TCEA1: variants seen among roughly 807,000 people sequenced by gnomAD.
TCEA1 encodes the protein transcription elongation factor A protein 1.
Under a neutral mutation model 43.8 loss-of-function variants are expected in TCEA1, and 21 were observed. The observed-to-expected ratio is 0.48, with a 90% CI of 0.34 to 0.69. The LOEUF (loss-of-function observed/expected upper bound fraction) is 0.69. Ranked by LOEUF, TCEA1 falls within the 30% of genes least tolerant of loss-of-function variation. TCEA1 has a pLI of 0.01. For synonymous variants in TCEA1, 104 were observed against 117.5 expected, an observed-to-expected ratio of 0.88 and a Z score of 0.75; for missense variants, 250 against 365.1, an observed-to-expected ratio of 0.68 and a Z score of 2.57.
chr8:54,008,433 C>T (rs975747885), intron 2 of TCEA1, among the ~76,000 whole-genome samples: 1 of 151,888 alleles, frequency 6.6e-6, no homozygotes. Context: ...GAGACCAAGG[C>T]TGGAGTTCAA....
At chr8:53,972,446 T>C (rs963145021) in intron 8 of TCEA1, 44 of 518,240 alleles carry the variant, frequency 8.5e-5, no homozygotes, top group Admixed American at 1.5e-4. Flanking sequence ...AATCAAGTTT[T>C]GGGCATGCAT....
chr8:54,013,985 C>T (rs1374683447), intron 1 of TCEA1, among the ~76,000 whole-genome samples: 2 of 152,138 alleles, frequency 1.3e-5, no homozygotes, highest in African/African-American at 2.4e-5. Context: ...GTCAAATGTA[C>T]CAAGCTCTAC....
chr8:54,003,280 C>T (rs965099943), intron 2 of TCEA1, among the ~76,000 whole-genome samples: 1 of 152,168 alleles, frequency 6.6e-6, no homozygotes, highest in Non-Finnish European at 1.5e-5. Context: ...AATGTTAAGA[C>T]TGCAATACTA....
chr8:53,977,625 T>TTGTCCCTTAAGGAGACAA (rs1169826397), intron 8 of TCEA1, among the ~76,000 whole-genome samples: 8 of 152,210 alleles, frequency 5.3e-5, no homozygotes, highest in Non-Finnish European at 7.3e-5. Flanking sequence ...ACATAGTAAG[T>TTGTCCCTTAAGGAGACAA]TGTCCCTTAA....
intron 4 of TCEA1, among the ~76,000 whole-genome samples, chr8:53,988,809 G>A (rs973154573): frequency 6.6e-5 from 10 of 152,326 alleles, no homozygotes; most frequent in South Asian, 2.1e-4. Flanking sequence ...GCTCACAGCT[G>A]TAATCCCAGC....
chr8:54,017,071 C>T, intron 1 of TCEA1, among the ~76,000 whole-genome samples: 1 of 151,506 alleles, frequency 6.6e-6, no homozygotes, highest in South Asian at 2.1e-4. Flanking sequence ...AGAAAATTTC[C>T]AGATTTGGCA....
intron 2 of TCEA1, among the ~76,000 whole-genome samples, chr8:54,007,539 T>C (rs1350800678): frequency 6.6e-6 from 1 of 152,192 alleles, no homozygotes; most frequent in Non-Finnish European, 1.5e-5. Flanking sequence ...TAATGAGCAA[T>C]TTCAATACTT....
chr8:53,980,038 T>C (rs551707026), intron 7 of TCEA1, among the ~76,000 whole-genome samples: 1 of 152,202 alleles, frequency 6.6e-6, no homozygotes, highest in Admixed American at 6.5e-5. Context: ...CAGCCTTGCA[T>C]TAATAAAACT....
intron 1 of TCEA1, among the ~76,000 whole-genome samples, chr8:54,016,396 G>A (rs2129314571): frequency 6.6e-6 from 1 of 152,208 alleles, no homozygotes; most frequent in Non-Finnish European, 1.5e-5. Flanking sequence ...GTGGGAACCC[G>A]GGAGGCGGAG....
At position 53,967,440 on chromosome 8, in the gene TCEA1, A is replaced by G. The variant is rs1314458727; in HGVS notation, c.*664T>C. The G allele has an allele frequency of 5.0e-6, 1 of 198,824 alleles. No homozygotes were observed. Among genetic ancestry groups the G allele is most frequent in the East Asian group, 7.9e-5 (1 of 12,662 alleles). 12.3% of individuals were successfully genotyped at this position (198,824 alleles called of 1,614,324 possible). On this transcript the variant is annotated 3_prime_UTR_variant, in exon 10 of 10. Transcript: ENST00000521604. ...ACAGGAAAACCAAACTGATCTCAAT[A>G]AAGTCTTGTTTCCAAAAATCTATTA...
At chr8:53,972,077 C>A in intron 8 of TCEA1, 1 of 246,300 alleles carries the variant, frequency 4.1e-6, no homozygotes, top group South Asian at 5.6e-5. Flanking sequence ...CTCCCAAGAT[C>A]AAGTGTTCTA....
intron 6 of TCEA1, among the ~76,000 whole-genome samples, chr8:53,986,118 T>A (rs543161806): frequency 6.6e-6 from 1 of 152,326 alleles, no homozygotes; most frequent in Non-Finnish European, 1.5e-5. Flanking sequence ...TATGACCACT[T>A]GAAGTTGTGT....
At chr8:53,982,269 A>T (rs368536071) in intron 7 of TCEA1, among the ~76,000 whole-genome samples, 11 of 152,190 alleles carry the variant, frequency 7.2e-5, no homozygotes, top group African/African-American at 2.4e-4. Flanking sequence ...AGTTGACTCC[A>T]ATCATCATGG....
intron 3 of TCEA1, among the ~76,000 whole-genome samples, chr8:53,994,074 C>T (rs1054849196): frequency 6.6e-6 from 1 of 152,118 alleles, no homozygotes; most frequent in East Asian, 1.9e-4. Context: ...AAGCACAGGC[C>T]GGTGCAGTGG....
chr8:54,002,060 T>A (rs1020174172), intron 2 of TCEA1, among the ~76,000 whole-genome samples: 7 of 150,456 alleles, frequency 4.7e-5, no homozygotes, highest in African/African-American at 1.7e-4. Flanking sequence ...TCCCAGCTAC[T>A]CGGGAGGCTG....
intron 3 of TCEA1, among the ~76,000 whole-genome samples, chr8:53,995,294 C>CAAAAAA (rs925755044): frequency 1.0e-4 from 6 of 57,934 alleles, no homozygotes; most frequent in Non-Finnish European, 1.9e-4. Context: ...GACTCTGTCT[C>CAAAAAA]AAAAAAAAAA....
At chr8:53,974,778 C>A (rs1045211322) in intron 8 of TCEA1, among the ~76,000 whole-genome samples, 1 of 152,114 alleles carries the variant, frequency 6.6e-6, no homozygotes, top group South Asian at 2.1e-4. Context: ...GATCCGCCTG[C>A]CTCAGCCTCC....
intron 3 of TCEA1, among the ~76,000 whole-genome samples, chr8:53,998,561 T>A (rs556947444): frequency 1.4e-4 from 22 of 152,314 alleles, no homozygotes; most frequent in African/African-American, 4.3e-4. Flanking sequence ...TAATTTTTTT[T>A]ATTGGGTTTG....
intron 4 of TCEA1, 188 bp downstream of exon 4, chr8:53,993,480 T>C: frequency 2.1e-6 from 1 of 487,192 alleles, no homozygotes; most frequent in South Asian, 3.4e-5. Flanking sequence ...CAATGTCTTC[T>C]ACCTCTCAAA....
Sources: allele counts gnomAD v4.1 joint callset (sites outside exome capture counted in the v4.1 genomes callset), GRCh38; gene constraint gnomAD v4.1.1; transcripts MANE v1.5; gene names NCBI Gene and HGNC (gene_info 2026-07-23, HGNC 2026-07-21).